The following SYT14 variants were observed in gnomAD, a reference collection of about 807,000 sequenced individuals.
SYT14 encodes synaptotagmin 14.
In SYT14, 32 loss-of-function variants were observed where a neutral mutation model predicts 74.2. The observed-to-expected ratio is 0.43, with a 90% confidence interval of 0.33 to 0.58. The LOEUF is 0.58. SYT14 is among the 20% of genes least tolerant of loss of function. SYT14 has a pLI of 0.05. For missense variants in SYT14, 791 were observed against 981.8 expected, an observed-to-expected ratio of 0.81 and a Z score of 2.60; for synonymous variants, 298 against 337.7, an observed-to-expected ratio of 0.88 and a Z score of 1.29.
At chr1:210,012,814 G>T (rs929143930) in intron 2 of SYT14, among the ~76,000 whole-genome samples, 3 of 151,186 alleles carry the variant, frequency 2.0e-5, no homozygotes, top group Admixed American at 6.6e-5. Context: ...TGAGTCTCCT[G>T]CCTCAGCCTC....
At chr1:210,057,099 C>T (rs1216008898) in intron 5 of SYT14, among the ~76,000 whole-genome samples, 2 of 152,090 alleles carry the variant, frequency 1.3e-5, no homozygotes, top group South Asian at 2.1e-4. Context: ...CCTTCCTCGG[C>T]CTCCCAAAGT....
intron 2 of SYT14, among the ~76,000 whole-genome samples, chr1:209,971,065 C>T (rs1405734117): frequency 6.6e-6 from 1 of 152,106 alleles, no homozygotes; most frequent in Non-Finnish European, 1.5e-5. Context: ...TTTCTTTCAG[C>T]AGTGTTTGGT....
chr1:209,938,617 A>T (rs2078676143), intron 1 of SYT14, among the ~76,000 whole-genome samples: 1 of 151,738 alleles, frequency 6.6e-6, no homozygotes, highest in Non-Finnish European at 1.5e-5. Flanking sequence ...GGCCCTGCAG[A>T]CCCCACGGGA....
exon 10 of SYT14, chr1:210,162,340 G>C: frequency 2.2e-6 from 1 of 445,622 alleles, no homozygotes; most frequent in South Asian, 1.6e-5. Context: ...AGTGTCGCAA[G>C]ATCTTTATTT....
chr1:210,096,629 G>T (rs985280943), intron 6 of SYT14, among the ~76,000 whole-genome samples: 2 of 152,118 alleles, frequency 1.3e-5, no homozygotes, highest in African/African-American at 4.8e-5. Context: ...TTGAACAAGG[G>T]TATCAAGAGC....
At chr1:210,055,495 GT>G (rs372338162) in intron 5 of SYT14, among the ~76,000 whole-genome samples, 2 of 151,980 alleles carry the variant, frequency 1.3e-5, no homozygotes, top group African/African-American at 2.4e-5. Flanking sequence ...GGCAAAATAT[GT>G]TTTTTTTCCT....
At chr1:210,000,463 TACGCACAC>T (rs2079874126) in intron 2 of SYT14, among the ~76,000 whole-genome samples, 1 of 67,760 alleles carries the variant, frequency 1.5e-5, no homozygotes, top group African/African-American at 9.1e-5. Context: ...TTTGTCCTCA[TACGCACAC>T]ACACACACAC....
intron 5 of SYT14, among the ~76,000 whole-genome samples, chr1:210,088,199 G>GT (rs58313430): frequency 1.4e-3 from 196 of 141,870 alleles, no homozygotes; most frequent in Middle Eastern, 3.5e-3. Context: ...TTTACAGTGA[G>GT]TTTTTTTTTT....
chr1:210,124,342 C>T (rs1488952684), intron 7 of SYT14, among the ~76,000 whole-genome samples: 1 of 151,912 alleles, frequency 6.6e-6, no homozygotes, highest in African/African-American at 2.4e-5. Flanking sequence ...AGAGATTAGA[C>T]AATCCAGGAG....
rs185890819 is a variant in SYT14 at position 210,146,696 on chromosome 1, A to G, written c.2035-9025A>G. Among the ~76,000 whole-genome samples the G allele has an allele frequency of 4.7e-4, 72 of 151,680 alleles. No homozygotes were observed. The East Asian group carries it at 0.011, about 24-fold the overall frequency. ...TACATATATACTATATGTAGTATAT[A>G]TGGTCTATATGTGTATATATGATGT... On this transcript the variant is annotated intron_variant, in intron 7 of 9. Transcript: ENST00000637265.
At chr1:210,115,576 G>C (rs890700454) in intron 7 of SYT14, among the ~76,000 whole-genome samples, 3 of 151,236 alleles carry the variant, frequency 2.0e-5, no homozygotes, top group Non-Finnish European at 1.5e-5. Flanking sequence ...GTCTCTACCA[G>C]AAAAGGAAAG....
intron 2 of SYT14, among the ~76,000 whole-genome samples, chr1:209,993,615 G>A (rs1164837117): frequency 6.6e-6 from 1 of 152,138 alleles, no homozygotes; most frequent in Non-Finnish European, 1.5e-5. Context: ...GTCCAGAAGG[G>A]GTTTGGCATA....
intron 1 of SYT14, among the ~76,000 whole-genome samples, 185 bp downstream of exon 1, chr1:209,938,462 C>T (rs1487679111): frequency 6.6e-6 from 1 of 151,764 alleles, no homozygotes; most frequent in East Asian, 1.9e-4. Flanking sequence ...CGCTGGGACG[C>T]CGGGCCCGAC....
intron 5 of SYT14, among the ~76,000 whole-genome samples, chr1:210,052,521 G>A (rs2081016749): frequency 6.6e-6 from 1 of 151,784 alleles, no homozygotes; most frequent in African/African-American, 2.4e-5. Flanking sequence ...AAATTAGCTG[G>A]GTATGGTGGC....
At chr1:210,021,210 C>G (rs145963511) in exon 5 of SYT14, 38 of 1,613,902 alleles carry the variant, frequency 2.4e-5, no homozygotes, top group Non-Finnish European at 3.1e-5. Flanking sequence ...AGTCCTCTAT[C>G]GGCAGAGTAT....
At chr1:210,114,318 G>A (rs1572327659) in intron 7 of SYT14, among the ~76,000 whole-genome samples, 1 of 151,394 alleles carries the variant, frequency 6.6e-6, no homozygotes, top group South Asian at 2.1e-4. Flanking sequence ...CCTGACCACT[G>A]TGGCTTAGGT....
At chr1:209,995,902 A>G (rs1173179984) in intron 2 of SYT14, among the ~76,000 whole-genome samples, 10 of 152,140 alleles carry the variant, frequency 6.6e-5, no homozygotes, top group Non-Finnish European at 1.5e-5. Context: ...CGTTGAAATT[A>G]AGGCAGAAAT....
chr1:209,941,879 A>C (rs1431243441), intron 1 of SYT14, among the ~76,000 whole-genome samples: 1 of 152,220 alleles, frequency 6.6e-6, no homozygotes, highest in African/African-American at 2.4e-5. Context: ...CATATGGCAT[A>C]ATATTTGCAT....
exon 10 of SYT14, chr1:210,169,148 A>C (rs2083490253): frequency 6.6e-6 from 1 of 150,378 alleles, no homozygotes; most frequent in Admixed American, 6.6e-5. Flanking sequence ...TGATTTCAAA[A>C]CCCAGAAAAC....
Sources: gnomAD v4.1 joint callset for allele counts (sites outside exome capture counted in the v4.1 genomes callset) on GRCh38, gnomAD v4.1.1 for gene constraint, MANE v1.5 for transcripts, NCBI Gene and HGNC (gene_info 2026-07-23, HGNC 2026-07-21) for gene names.